The following CC2D2A variants were observed in gnomAD, a reference collection of about 807,000 sequenced individuals.
The protein encoded by CC2D2A is coiled-coil and C2 domain-containing protein 2A.
Under a neutral mutation model 212.9 loss-of-function variants are expected in CC2D2A, and 155 were observed. The observed-to-expected ratio is 0.73, with a 90% CI of 0.64 to 0.83. The LOEUF is 0.83. Ranked by LOEUF, CC2D2A falls within the 40% of genes least tolerant of loss-of-function variation. The pLI, the probability that CC2D2A is intolerant of heterozygous loss-of-function variation, is 0.00. For missense variants in CC2D2A, 1,856 were observed against 1,956.2 expected, an observed-to-expected ratio of 0.95 and a Z score of 0.97; for synonymous variants, 667 against 686.5, an observed-to-expected ratio of 0.97 and a Z score of 0.44.
chr4:15,580,972 T>C (rs1466780061), intron 30 of CC2D2A, among the ~76,000 whole-genome samples: 1 of 152,194 alleles, frequency 6.6e-6, no homozygotes, highest in Non-Finnish European at 1.5e-5. Context: ...CCATTAAATA[T>C]GCATGCACCA....
intron 10 of CC2D2A, 111 bp downstream of exon 10, chr4:15,516,115 AT>A (rs1716857396): frequency 1.8e-6 from 2 of 1,132,632 alleles, no homozygotes; most frequent in Admixed American, 7.1e-5. Context: ...TCTTGAGGTT[AT>A]CCACAGAAAG....
At chr4:15,580,236 T>C in intron 30 of CC2D2A, 65 bp downstream of exon 30, 12 of 1,169,820 alleles carry the variant, frequency 1.0e-5, no homozygotes, top group Non-Finnish European at 1.5e-5. Context: ...ATATTGCCAT[T>C]TTAATTACCA....
At chr4:15,521,093 A>T (rs1197751768) in intron 11 of CC2D2A, among the ~76,000 whole-genome samples, 1 of 152,212 alleles carries the variant, frequency 6.6e-6, no homozygotes, top group Non-Finnish European at 1.5e-5. Flanking sequence ...GAGCAAAGGA[A>T]GTTAGAGAAG....
At position 15,557,470 on chromosome 4, in the gene CC2D2A, C is replaced by T; in HGVS notation, c.2792C>T (p.Pro931Leu). Residue 931 changes from proline (P) to leucine (L), a missense_variant, in exon 21 of 37, where the codon CCA becomes CTA. Pro to Leu is a moderately conservative substitution (Grantham distance 98, BLOSUM62 -3). This residue lies in a region of CC2D2A where 1,512 missense variants were observed against 1,579.3 expected (regional missense o/e 0.96). Transcript: ENST00000424120. ...VPEFRNYKQV[P>L]VYDREIMEKV... ...GAATTCCGAAATTATAAGCAAGTTC[C>T]AGTCTATGACCGAGAAATTATGGAA... is the stretch of plus-strand genomic sequence containing the variant. 6.2e-7 allele frequency: 1 copy of T among 1,611,240 alleles called. No individual in the cohort carries two copies. Among genetic ancestry groups the T allele is most frequent in the Non-Finnish European group, 8.5e-7 (1 of 1,178,808 alleles).
intron 35 of CC2D2A, among the ~76,000 whole-genome samples, chr4:15,597,799 C>G (rs573330211): frequency 1.3e-5 from 2 of 152,304 alleles, no homozygotes; most frequent in Middle Eastern, 6.8e-3. Flanking sequence ...TCCTATTGAA[C>G]TGCAGCTAGT....
At position 15,482,508 on chromosome 4, in the gene CC2D2A, C is replaced by G. The variant is rs575021654; in HGVS notation, c.247+1681C>G. Among the ~76,000 whole-genome samples the G allele has an allele frequency of 3.3e-5, 5 of 152,228 alleles. No individual in the cohort carries two copies. The East Asian group carries it at 9.7e-4, about 29-fold the overall frequency. On this transcript the variant is annotated intron_variant, in intron 4 of 36. Coordinates refer to ENST00000424120, the MANE Select transcript of CC2D2A (RefSeq NM_001378615.1). Reference sequence around the variant, plus strand: ...ACCATCTTGCTGTGTGCTCACATGACCTCTTCTCTGTGCCTGCACTGGGGG... The same window carrying G: ...ACCATCTTGCTGTGTGCTCACATGAGCTCTTCTCTGTGCCTGCACTGGGGG...
intron 11 of CC2D2A, 30 bp from the exon 12 acceptor site, chr4:15,527,417 G>A (rs1207559037): frequency 5.1e-6 from 8 of 1,554,078 alleles, no homozygotes; most frequent in South Asian, 1.1e-5. Context: ...CTTTAACTGT[G>A]TTCTGTCTAC....
At chr4:15,472,011 A>T (rs1287639193) in intron 1 of CC2D2A, among the ~76,000 whole-genome samples, 2 of 152,208 alleles carry the variant, frequency 1.3e-5, no homozygotes, top group African/African-American at 2.4e-5. Flanking sequence ...CACCAGTGCA[A>T]TGCTTCACAG....
chr4:15,523,114 C>CAA (rs142926881), intron 11 of CC2D2A, among the ~76,000 whole-genome samples: 6 of 132,412 alleles, frequency 4.5e-5, no homozygotes, highest in African/African-American at 1.4e-4. Context: ...AACTCCATCT[C>CAA]AAAAAAAAAA....
Position 15,555,119 on chromosome 4 carries a change from T to G in CC2D2A, c.2534T>G (p.Leu845Arg). 1.2e-6 allele frequency: 2 copies of G among 1,613,864 alleles called. No homozygotes were observed. The highest frequency in any genetic ancestry group is 1.7e-6 in the Non-Finnish European group (2 of 1,179,838). ...ATCTCATCTATTGGCACATCAGGACTGACAGACATGAAAAAATTGGCCAAG... is the reference window on the plus strand; with the variant it reads ...ATCTCATCTATTGGCACATCAGGACGGACAGACATGAAAAAATTGGCCAAG... ...DAISSIGTSG[L>R]TDMKKLAKWA... is the part of the protein sequence containing the mutation. Residue 845 changes from leucine (L) to arginine (R), a missense_variant, in exon 20 of 37, where the codon CTG (leucine) becomes CGG (arginine). Leu to Arg is a moderately radical substitution (Grantham distance 102). Coordinates refer to ENST00000424120, the MANE Select transcript of CC2D2A (RefSeq NM_001378615.1).
intron 6 of CC2D2A, among the ~76,000 whole-genome samples, chr4:15,504,443 G>A (rs911541107): frequency 1.3e-5 from 2 of 152,126 alleles, no homozygotes; most frequent in African/African-American, 4.8e-5. Flanking sequence ...GGTTATTTTG[G>A]CGGGCATATG....
intron 8 of CC2D2A, among the ~76,000 whole-genome samples, chr4:15,513,882 G>A (rs753848056): frequency 2.0e-5 from 3 of 152,154 alleles, no homozygotes; most frequent in Non-Finnish European, 4.4e-5. Flanking sequence ...TGTACTTGGG[G>A]AGGAAATCTT....
chr4:15,524,220 G>A (rs915742866), intron 11 of CC2D2A, among the ~76,000 whole-genome samples: 8 of 151,852 alleles, frequency 5.3e-5, no homozygotes, highest in African/African-American at 1.5e-4. Flanking sequence ...TGCAACCTCC[G>A]CCTCCTGGGT....
chr4:15,544,739 T>C (rs537290437), intron 17 of CC2D2A, among the ~76,000 whole-genome samples: 2 of 152,344 alleles, frequency 1.3e-5, no homozygotes, highest in South Asian at 4.1e-4. Context: ...TTCACATATA[T>C]TCTAAAATGT....
chr4:15,553,960 T>C lies in CC2D2A; in HGVS notation c.2486+655T>C, dbSNP rs1012930750. ...CTCATCTCTAAAATAAAAGGATTCA[T>C]TGTGATCATGAAGAAGACACTTTCC... On this transcript the variant is annotated intron_variant, in intron 19 of 36. Coordinates refer to ENST00000424120, the MANE Select transcript of CC2D2A (RefSeq NM_001378615.1). 2.0e-5 allele frequency among the ~76,000 whole-genome samples: 3 copies of C among 152,202 alleles called. No individual in the cohort carries two copies. The South Asian group carries it at 6.2e-4, about 32-fold the overall frequency.
chr4:15,479,371 G>A, intron 3 of CC2D2A: 1 of 1,431,146 alleles, frequency 7.0e-7, no homozygotes, highest in Non-Finnish European at 9.5e-7. Flanking sequence ...AGGGAGGCAG[G>A]GAAGCAGCTA....
chr4:15,511,507 G>A (rs1716569664), intron 8 of CC2D2A, 84 bp downstream of exon 8: 3 of 1,301,830 alleles, frequency 2.3e-6, no homozygotes, highest in Non-Finnish European at 3.0e-6. Flanking sequence ...GAAAGTGGCT[G>A]AGGAGAAACC....
At chr4:15,490,888 T>C (rs1715267685) in intron 4 of CC2D2A, among the ~76,000 whole-genome samples, 1 of 152,080 alleles carries the variant, frequency 6.6e-6, no homozygotes, top group South Asian at 2.1e-4. Flanking sequence ...CTGTTCTAAT[T>C]ACTGGTGCAT....
At position 15,555,222 on chromosome 4, in the gene CC2D2A, G is replaced by GTCA. The variant is rs762800172; in HGVS notation, c.2625+12_2625+13insTCA. On this transcript the variant is annotated intron_variant, in intron 20 of 36. Coordinates refer to ENST00000424120, the MANE Select transcript of CC2D2A (RefSeq NM_001378615.1). ...TGCAGCTTATCTCGGTATGTAGCAG[G>GTCA]AGGCACACATGCCATTTCTTGACTT... 2.4e-5 allele frequency: 39 copies of GTCA among 1,609,966 alleles called. 1 individual carries two copies. The Admixed American group carries it at 6.4e-4, about 26-fold the overall frequency.
Sources: gnomAD v4.1 joint callset for allele counts (sites outside exome capture counted in the v4.1 genomes callset) on GRCh38, gnomAD v4.1.1 for gene constraint, gnomAD v4.1.1 regional missense constraint, MANE v1.5 for transcripts, NCBI Gene and HGNC (gene_info 2026-07-23, HGNC 2026-07-21) for gene names.